Variants in ZNF81 observed in about 807,000 individuals in gnomAD.
The protein encoded by ZNF81 is zinc finger protein 81, also known as zinc finger protein 81 (HFZ20).
ZNF81 carries 5 observed loss-of-function variants against 32.3 expected under a neutral mutation model. That is an observed-to-expected ratio of 0.15 (90% confidence interval 0.08 to 0.33). The LOEUF (loss-of-function observed/expected upper bound fraction) is 0.33, where lower values mean the gene tolerates loss of function less well. Ranked by LOEUF, ZNF81 falls within the 10% of genes least tolerant of loss-of-function variation. The pLI, the probability that ZNF81 is intolerant of heterozygous loss-of-function variation, is 1.00. For synonymous variants in ZNF81, 163 were observed against 166.8 expected (o/e 0.98, Z 0.17); for missense variants, 379 against 479.8 (o/e 0.79, Z 1.96).
chrX:47,919,068 C>G lies in ZNF81; in HGVS notation c.*2436C>G. On this transcript the variant is annotated 3_prime_UTR_variant, in exon 5 of 5. Transcript: ENST00000338637. ...CCACACCTGAACCTGATACAGAAGA[C>G]TTGAGATTCTGGATTGGAGCTTGAT... 3.2e-6 allele frequency: 1 copy of G among 312,671 alleles called. No homozygotes were observed. The highest frequency in any genetic ancestry group is 6.2e-6 in the Non-Finnish European group (1 of 160,303). The allele number at this position is 312,671 out of a possible 1,213,427, so 25.8% of individuals were successfully genotyped here.
At chrX:47,847,300 G>A (rs782278745) in intron 2 of ZNF81, among the ~76,000 whole-genome samples, 26 of 111,051 alleles carry the variant, frequency 2.3e-4, no homozygotes, top group Admixed American at 3.8e-4. Context: ...CTGCAACCTC[G>A]AACTCCTGGG....
intron 2 of ZNF81, among the ~76,000 whole-genome samples, chrX:47,872,683 A>G (rs1228672778): frequency 9.0e-6 from 1 of 111,699 alleles, no homozygotes; most frequent in Admixed American, 9.5e-5. Flanking sequence ...GTCTTGTATA[A>G]ATCTATATAG....
At chrX:47,869,050 A>G (rs1200851066) in intron 2 of ZNF81, among the ~76,000 whole-genome samples, 1 of 111,523 alleles carries the variant, frequency 9.0e-6, no homozygotes, top group Non-Finnish European at 1.9e-5. Flanking sequence ...AGTTTTATTG[A>G]ACCAAACCTC....
chrX:47,886,269 G>A (rs966908691), intron 2 of ZNF81, among the ~76,000 whole-genome samples: 1 of 111,674 alleles, frequency 9.0e-6, no homozygotes, highest in Non-Finnish European at 1.9e-5. Context: ...TATCTTTGTT[G>A]TGAAACATAC....
In ZNF81 at chrX:47,841,656, A is replaced by G. The variant is rs186745210; in HGVS notation, c.-163-4449A>G. 2.0e-4 allele frequency: 210 copies of G among 1,046,029 alleles called. 1 individual carries two copies. The African/African-American group carries it at 3.6e-3, about 18-fold the overall frequency. The allele number at this position is 1,046,029 out of a possible 1,213,427, so 86.2% of individuals were successfully genotyped here. A position where few individuals can be genotyped will look rare whatever the true frequency, so the allele number is the denominator to read the frequency against. On this transcript the variant is annotated intron_variant, in intron 1 of 4. Transcript: ENST00000338637. ...TGATAAACCTTCCTCTTTTTTCAGGAGATTTTCTGGAACCAAAGGGATTTT... is the reference window on the plus strand; with the variant it reads ...TGATAAACCTTCCTCTTTTTTCAGGGGATTTTCTGGAACCAAAGGGATTTT...
intron 3 of ZNF81, among the ~76,000 whole-genome samples, chrX:47,891,042 T>C (rs782426629): frequency 7.1e-5 from 8 of 112,196 alleles, no homozygotes; most frequent in Admixed American, 1.9e-4. Flanking sequence ...GTGTGATATC[T>C]TGTGGAAGGG....
chrX:47,837,501 C>G (rs1556879243), intron 1 of ZNF81, among the ~76,000 whole-genome samples: 1 of 112,367 alleles, frequency 8.9e-6, no homozygotes, highest in Non-Finnish European at 1.9e-5. Context: ...GTCTGTGTCT[C>G]CTTACTGCTG....
intron 2 of ZNF81, among the ~76,000 whole-genome samples, chrX:47,875,707 A>G (rs2058597200): frequency 8.9e-6 from 1 of 112,382 alleles, no homozygotes; most frequent in Non-Finnish European, 1.9e-5. Context: ...ATTAAAAGTA[A>G]AATCTGGCAA....
intron 1 of ZNF81, among the ~76,000 whole-genome samples, chrX:47,837,729 C>A (rs782077791): frequency 8.9e-6 from 1 of 112,331 alleles, no homozygotes; most frequent in South Asian, 3.7e-4. Context: ...TGTGTCTATC[C>A]CTCTGCCAGT....
At chrX:47,898,020 A>G (rs942934348) in intron 4 of ZNF81, among the ~76,000 whole-genome samples, 1 of 112,052 alleles carries the variant, frequency 8.9e-6, no homozygotes, top group Non-Finnish European at 1.9e-5. Flanking sequence ...GGAAGCACCA[A>G]GGTCAGTTGG....
Position 47,924,690 on chromosome X carries a change from A to G in ZNF81, c.*8058A>G, listed in dbSNP as rs2058786042. Among the ~76,000 whole-genome samples, 1 of 111,696 alleles carries G rather than the reference A, an allele frequency of 9.0e-6. No homozygotes were observed. Among genetic ancestry groups the G allele is most frequent in the African/African-American group, 3.2e-5 (1 of 30,807 alleles). On this transcript the variant is annotated 3_prime_UTR_variant, in exon 5 of 5. Transcript: ENST00000338637. Reference sequence around the variant, plus strand: ...AATCTCATGTTCTTCATGTTTAGACATTAACAAGCAATTTGCTCAGATTTA... The same window carrying G: ...AATCTCATGTTCTTCATGTTTAGACGTTAACAAGCAATTTGCTCAGATTTA...
Position 47,923,214 on chromosome X carries a change from A to T in ZNF81, c.*6582A>T, listed in dbSNP as rs1556892242. ...TGGAGAGAATTTCTTAATGGGTATT[A>T]GATACACCTCACTTCCTGAGCCCGC... On this transcript the variant is annotated 3_prime_UTR_variant, in exon 5 of 5. Transcript: ENST00000338637. Among the ~76,000 whole-genome samples the T allele has an allele frequency of 9.0e-6, 1 of 111,319 alleles. No individual in the cohort carries two copies. The highest frequency in any genetic ancestry group is 2.8e-4 in the East Asian group (1 of 3,539).
intron 2 of ZNF81, among the ~76,000 whole-genome samples, chrX:47,886,999 G>A (rs1431965159): frequency 1.8e-5 from 2 of 111,951 alleles, no homozygotes; most frequent in Non-Finnish European, 3.8e-5. Context: ...TTTTGTATAT[G>A]GTGTGAGGCG....
Position 47,918,388 on chromosome X carries a change from T to C in ZNF81, c.*1756T>C, listed in dbSNP as rs2058764669. The C allele has an allele frequency of 9.0e-6, 1 of 111,106 alleles. No individual in the cohort carries two copies. The highest frequency in any genetic ancestry group is 1.9e-5 in the Non-Finnish European group (1 of 53,046). The allele number at this position is 111,106 out of a possible 1,213,427, so 9.2% of individuals were successfully genotyped here. On this transcript the variant is annotated 3_prime_UTR_variant, in exon 5 of 5. Coordinates refer to ENST00000338637, the MANE Select transcript of ZNF81 (RefSeq NM_007137.5). ...GCTTAGGAGACCATCTCAGCTAAAC[T>C]TAAGGGCTTCTAAAAATCTTCATGA...
At chrX:47,871,479 G>A (rs1556883900) in intron 2 of ZNF81, among the ~76,000 whole-genome samples, 3 of 111,250 alleles carry the variant, frequency 2.7e-5, no homozygotes, top group African/African-American at 9.8e-5. Flanking sequence ...CTCATCCCAG[G>A]TATATGCCCC....
At chrX:47,841,465 C>G (rs1316117035) in intron 1 of ZNF81, 1 of 1,042,339 alleles carries the variant, frequency 9.6e-7, no homozygotes, top group East Asian at 3.0e-5. Context: ...CTGGCAATTC[C>G]AAGGCATGAG....
At chrX:47,865,452 C>G (rs957840555) in intron 2 of ZNF81, among the ~76,000 whole-genome samples, 1 of 112,052 alleles carries the variant, frequency 8.9e-6, no homozygotes, top group African/African-American at 3.2e-5. Flanking sequence ...AAGGGCTCTT[C>G]TGGGTGGAGG....
intron 2 of ZNF81, among the ~76,000 whole-genome samples, chrX:47,867,110 G>A (rs1456855036): frequency 9.0e-6 from 1 of 111,417 alleles, no homozygotes; most frequent in East Asian, 2.8e-4. Context: ...GGGGGGTTAG[G>A]GGGAGGCTAA....
chrX:47,904,053 AATTAATTCAAGATGG>A (rs2058710291), intron 4 of ZNF81, among the ~76,000 whole-genome samples: 1 of 111,393 alleles, frequency 9.0e-6, no homozygotes. Flanking sequence ...CTTATACAAA[AATTAATTCAAGATGG>A]ATTAAAGACT....
Sources: allele counts gnomAD v4.1 joint callset (sites outside exome capture counted in the v4.1 genomes callset), GRCh38; gene constraint gnomAD v4.1.1; transcripts MANE v1.5; gene names NCBI Gene and HGNC (gene_info 2026-07-23, HGNC 2026-07-21).